The following PTPRB variants were observed in gnomAD, a reference collection of about 807,000 sequenced individuals.
PTPRB encodes the protein receptor-type tyrosine-protein phosphatase beta.
A neutral mutation model predicts 238.1 loss-of-function variants in PTPRB; 97 were observed. The ratio of observed to expected loss-of-function variants is 0.41; its 90% CI spans 0.35 to 0.48. PTPRB has a LOEUF of 0.48. PTPRB is among the 20% of genes least tolerant of loss of function. PTPRB has a pLI of 0.30. For missense variants in PTPRB, 2,292 were observed against 2,681.9 expected (o/e 0.85, Z 3.21); for synonymous variants, 970 against 995.4 (o/e 0.97, Z 0.48).
intron 6 of PTPRB, among the ~76,000 whole-genome samples, chr12:70,593,893 A>G (rs528303114): frequency 2.0e-5 from 3 of 152,350 alleles, no homozygotes; most frequent in Admixed American, 1.3e-4. Flanking sequence ...TCTCTTGGAT[A>G]TTATATCAGC....
Position 70,544,672 on chromosome 12 carries a change from A to T in PTPRB, c.5388-9T>A, listed in dbSNP as rs1342279269. ...AAGCTCGAATGCTGATTCTGAAAAG[A>T]AAACCGATTTATTTAAATATAAATT... On this transcript the variant is annotated splice_polypyrimidine_tract_variant and intron_variant, in intron 21 of 33. Coordinates refer to ENST00000334414, the MANE Select transcript of PTPRB (RefSeq NM_001109754.4). 2.6e-6 allele frequency: 4 copies of T among 1,544,688 alleles called. No homozygotes were observed. The highest frequency in any genetic ancestry group is 3.5e-6 in the Non-Finnish European group (4 of 1,145,126).
At position 70,555,975 on chromosome 12, in the gene PTPRB, T is replaced by C; in HGVS notation, c.4888A>G (p.Ile1630Val). 2.5e-6 allele frequency: 4 copies of C among 1,614,002 alleles called. No homozygotes were observed. Among genetic ancestry groups the C allele is most frequent in the Non-Finnish European group, 3.4e-6 (4 of 1,179,882 alleles). ...KLEKEKSLLN[I>V]MMLVPHKRYL... ...CTCTTATGGGGCACTAGCATCATGA[T>C]GTTGAGCAGAGATTTTTCTTTCTCC... Residue 1630 changes from isoleucine (I) to valine (V), a missense_variant, in exon 19 of 34, where the codon ATC (isoleucine) becomes GTC (valine). Physicochemically the swap from Ile to Val is conservative, Grantham distance 29. Transcript: ENST00000334414.
chr12:70,538,819 C>T, intron 27 of PTPRB, 105 bp downstream of exon 27: 1 of 876,410 alleles, frequency 1.1e-6, no homozygotes, highest in South Asian at 1.5e-5. Flanking sequence ...TTGAGATTGT[C>T]CATATCGAGC....
At chr12:70,607,432 C>G (rs887404614) in intron 4 of PTPRB, among the ~76,000 whole-genome samples, 1 of 152,074 alleles carries the variant, frequency 6.6e-6, no homozygotes, top group African/African-American at 2.4e-5. Flanking sequence ...ATTAAGAAAC[C>G]AACAACATTT....
Position 70,637,313 on chromosome 12 carries a change from C to T in PTPRB, c.55+28G>A, listed in dbSNP as rs770855648. 2.2e-5 allele frequency: 35 copies of T among 1,589,034 alleles called. No homozygotes were observed. In the South Asian group the frequency reaches 2.9e-4, roughly 13 times the overall value. The stretch of plus-strand genomic sequence containing the variant: ...CCTTGGCTAGATCTTGAAGAAATGC[C>T]TCAGGACACTGAGGCAGACCCACTC... On this transcript the variant is annotated intron_variant, in intron 1 of 33. Transcript: ENST00000334414.
chr12:70,628,820 C>T (rs1315199391), intron 2 of PTPRB, among the ~76,000 whole-genome samples: 8 of 152,070 alleles, frequency 5.3e-5, no homozygotes, highest in Admixed American at 5.2e-4. Context: ...CCACCTTGGC[C>T]TCCCAGAGTG....
chr12:70,635,578 T>A (rs1885644044), intron 2 of PTPRB, 93 bp downstream of exon 2: 2 of 1,421,978 alleles, frequency 1.4e-6, no homozygotes, highest in Non-Finnish European at 1.9e-6. Flanking sequence ...GGACTTCCCT[T>A]AAATGTAAAA....
chr12:70,599,431 C>T (rs1170318672), intron 4 of PTPRB, among the ~76,000 whole-genome samples: 1 of 152,080 alleles, frequency 6.6e-6, no homozygotes, highest in Non-Finnish European at 1.5e-5. Context: ...TCATCACACT[C>T]ATACGCATAG....
chr12:70,570,847 T>C (rs901125406), intron 13 of PTPRB, 179 bp downstream of exon 13: 65 of 714,708 alleles, frequency 9.1e-5, no homozygotes, highest in Non-Finnish European at 1.6e-5. Flanking sequence ...TCTGCTGACA[T>C]CATACTTTAT....
At chr12:70,529,842 G>A (rs1051801495) in intron 32 of PTPRB, among the ~76,000 whole-genome samples, 29 of 152,106 alleles carry the variant, frequency 1.9e-4, no homozygotes, top group African/African-American at 6.8e-4. Context: ...CAGACATGGT[G>A]ATCTGCCTTC....
chr12:70,590,303 T>G, intron 7 of PTPRB, 70 bp from the exon 8 acceptor site: 1 of 1,438,114 alleles, frequency 7.0e-7, no homozygotes, highest in Non-Finnish European at 9.3e-7. Flanking sequence ...TTACTTTTCT[T>G]GGGCAGCAGT....
chr12:70,597,075 G>T (rs895980406), intron 4 of PTPRB, among the ~76,000 whole-genome samples: 1 of 151,752 alleles, frequency 6.6e-6, no homozygotes. Flanking sequence ...ACGCCACTGT[G>T]TCCGGTGAAT....
At chr12:70,604,670 C>G (rs1883793938) in intron 4 of PTPRB, among the ~76,000 whole-genome samples, 1 of 152,184 alleles carries the variant, frequency 6.6e-6, no homozygotes, top group Non-Finnish European at 1.5e-5. Flanking sequence ...AAACCCTAAA[C>G]CCCAGTACCT....
intron 13 of PTPRB, 164 bp downstream of exon 13, chr12:70,570,862 A>G: frequency 1.3e-6 from 1 of 778,882 alleles, no homozygotes; most frequent in South Asian, 1.9e-5. Flanking sequence ...CTTTATTTTC[A>G]TTCATCCAGG....
At chr12:70,523,326 A>G (rs1388255921) in intron 33 of PTPRB, among the ~76,000 whole-genome samples, 1 of 152,078 alleles carries the variant, frequency 6.6e-6, no homozygotes, top group Admixed American at 6.6e-5. Context: ...TAATTTTTAA[A>G]TTTATTGTAG....
Position 70,555,289 on chromosome 12 carries a change from G to A in PTPRB, c.5014C>T (p.His1672Tyr). 2.5e-6 allele frequency: 4 copies of A among 1,612,932 alleles called. No individual in the cohort carries two copies. Among genetic ancestry groups the A allele is most frequent in the Middle Eastern group, 1.8e-4 (1 of 5,560 alleles). ...ACATCCTTTTCATTCACACGAATGTGTGGGGGTGGAGGAGGGGGGCCTGGA... is the reference window on the plus strand; with the variant it reads ...ACATCCTTTTCATTCACACGAATGTATGGGGGTGGAGGAGGGGGGCCTGGA... Reference protein sequence around the residue: ...MIDRPPPPPPHIRVNEKDVLI... With the variant: ...MIDRPPPPPPYIRVNEKDVLI... The change falls in exon 20 of 34, where the codon CAC (histidine) becomes TAC (tyrosine). Residue 1672 changes from histidine (H) to tyrosine (Y), a missense_variant. His to Tyr is a moderately conservative substitution (Grantham distance 83, BLOSUM62 2). Around this residue, in one of 4 missense-constraint regions of PTPRB, gnomAD observed 683 missense variants for 862.0 expected, o/e 0.79. Transcript: ENST00000334414.
At chr12:70,555,075 A>T in intron 20 of PTPRB, 85 bp downstream of exon 20, 1 of 1,465,110 alleles carries the variant, frequency 6.8e-7, no homozygotes, top group Non-Finnish European at 9.2e-7. Flanking sequence ...TAAGTTTCTT[A>T]AACTTTGTCA....
chr12:70,559,837 T>TG (rs1878241275), intron 17 of PTPRB, among the ~76,000 whole-genome samples: 1 of 113,346 alleles, frequency 8.8e-6, no homozygotes. Context: ...TTTTTTTTTT[T>TG]CACTTTTTTT....
intron 3 of PTPRB, among the ~76,000 whole-genome samples, chr12:70,621,061 A>G (rs993243409): frequency 6.6e-6 from 1 of 152,218 alleles, no homozygotes; most frequent in African/African-American, 2.4e-5. Context: ...TCTCTCACTC[A>G]TGTCAGTGGT....
Sources: gnomAD v4.1 joint callset for allele counts (sites outside exome capture counted in the v4.1 genomes callset) on GRCh38, gnomAD v4.1.1 for gene constraint, gnomAD v4.1.1 regional missense constraint, MANE v1.5 for transcripts, NCBI Gene and HGNC (gene_info 2026-07-23, HGNC 2026-07-21) for gene names.